The following RANBP17 variants were observed in gnomAD, a reference collection of about 807,000 sequenced individuals.
The protein encoded by RANBP17 is ran-binding protein 17.
Under a neutral mutation model 141.2 loss-of-function variants are expected in RANBP17, and 158 were observed. The ratio of observed to expected loss-of-function variants is 1.12; its 90% CI spans 0.98 to 1.28. The LOEUF is 1.28. Ranked by LOEUF, RANBP17 falls within the 50% of genes most tolerant of loss-of-function variation. The probability of loss-of-function intolerance (pLI) is 0.00; values close to 1 mark genes in which losing one functional copy is unlikely to be tolerated. For missense variants in RANBP17, 1,438 were observed against 1,290.7 expected, an observed-to-expected ratio of 1.11 and a Z score of -1.75; for synonymous variants, 430 against 450.0, an observed-to-expected ratio of 0.96 and a Z score of 0.56.
intron 25 of RANBP17, among the ~76,000 whole-genome samples, chr5:171,267,434 G>C (rs1310168990): frequency 6.6e-6 from 1 of 151,992 alleles, no homozygotes; most frequent in African/African-American, 2.4e-5. Context: ...ATCCATAATA[G>C]TTTGTAATTT....
intron 14 of RANBP17, among the ~76,000 whole-genome samples, chr5:171,156,276 A>T (rs1216763615): frequency 3.3e-5 from 5 of 152,146 alleles, no homozygotes; most frequent in Non-Finnish European, 7.4e-5. Context: ...TGCTAAAATT[A>T]TGATTTTTAA....
At chr5:170,915,199 G>A (rs1771852139) in intron 8 of RANBP17, among the ~76,000 whole-genome samples, 1 of 152,148 alleles carries the variant, frequency 6.6e-6, no homozygotes, top group Non-Finnish European at 1.5e-5. Context: ...AAAGGTACTA[G>A]TGCTTAAAAA....
At chr5:171,281,089 G>A (rs1009437686) in intron 25 of RANBP17, among the ~76,000 whole-genome samples, 25 of 152,164 alleles carry the variant, frequency 1.6e-4, no homozygotes, top group African/African-American at 6.0e-4. Context: ...CTCCTGTGGT[G>A]TCATTCCCAG....
At chr5:170,980,382 A>T (rs894576262) in intron 14 of RANBP17, among the ~76,000 whole-genome samples, 3 of 152,242 alleles carry the variant, frequency 2.0e-5, no homozygotes, top group Non-Finnish European at 2.9e-5. Context: ...ACAATGGAGA[A>T]AATGTCCCCA....
At chr5:170,918,564 A>AT (rs904736034) in intron 9 of RANBP17, 149 bp from the exon 10 acceptor site, 3 of 504,290 alleles carry the variant, frequency 5.9e-6, no homozygotes, top group African/African-American at 2.0e-5. Flanking sequence ...GAATCCCTCT[A>AT]TTTTTTTACA....
At chr5:171,259,258 C>T (rs1766124847) in intron 24 of RANBP17, among the ~76,000 whole-genome samples, 2 of 152,160 alleles carry the variant, frequency 1.3e-5, no homozygotes, top group Admixed American at 6.5e-5. Flanking sequence ...GAAACTCGTA[C>T]ACTGTTGGTG....
At chr5:171,219,968 A>G (rs1223575323) in intron 21 of RANBP17, among the ~76,000 whole-genome samples, 1 of 151,970 alleles carries the variant, frequency 6.6e-6, no homozygotes, top group Non-Finnish European at 1.5e-5. Flanking sequence ...GGAGGAGAAG[A>G]GGCATTCTGG....
chr5:171,078,126 TTTTC>T (rs1317791055), intron 14 of RANBP17, among the ~76,000 whole-genome samples: 1 of 137,336 alleles, frequency 7.3e-6, no homozygotes, highest in African/African-American at 2.6e-5. Context: ...TTTTCTTTTC[TTTTC>T]TTTCTTTTTT....
chr5:171,074,439 G>A (rs1561623867), intron 14 of RANBP17, among the ~76,000 whole-genome samples: 1 of 152,068 alleles, frequency 6.6e-6, no homozygotes, highest in Non-Finnish European at 1.5e-5. Context: ...TGGGAAAACT[G>A]GTGAAATACA....
At chr5:171,244,908 G>A (rs148119550) in intron 24 of RANBP17, among the ~76,000 whole-genome samples, 1,550 of 152,102 alleles carry the variant, frequency 0.01, 63 homozygotes, top group East Asian at 0.086. Context: ...GGCGGATCAC[G>A]AGGTCAGGAG....
At chr5:171,151,189 T>C (rs1454861682) in intron 14 of RANBP17, among the ~76,000 whole-genome samples, 1 of 152,202 alleles carries the variant, frequency 6.6e-6, no homozygotes, top group Non-Finnish European at 1.5e-5. Flanking sequence ...GGAGGTTCAG[T>C]TCAAATGATT....
chr5:171,061,030 T>C (rs1175997875), intron 14 of RANBP17, among the ~76,000 whole-genome samples: 4 of 151,588 alleles, frequency 2.6e-5, no homozygotes, highest in Non-Finnish European at 5.9e-5. Context: ...TTTTTTATTG[T>C]GTCTATTTGA....
At chr5:170,891,406 A>G (rs1769583205) in intron 3 of RANBP17, among the ~76,000 whole-genome samples, 1 of 152,222 alleles carries the variant, frequency 6.6e-6, no homozygotes, top group Non-Finnish European at 1.5e-5. Context: ...ATATAATACC[A>G]GATAAGGATG....
rs189514877 is a variant in RANBP17, at chr5:171,109,940, A to G, written c.1711-60190A>G. On this transcript the variant is annotated intron_variant, in intron 14 of 27. Transcript: ENST00000523189. ...TAACTTGGGAAACTGTTACCTTAAA[A>G]GTTAAAAAGCAGGTTAGAAAATTGC... is the stretch of plus-strand genomic sequence containing the variant. Among the ~76,000 whole-genome samples the G allele has an allele frequency of 9.2e-5, 14 of 152,302 alleles. No homozygotes were observed. In the East Asian group the frequency reaches 2.7e-3, roughly 29 times the overall value.
chr5:171,142,603 A>G (rs1757781618), intron 14 of RANBP17, among the ~76,000 whole-genome samples: 1 of 152,246 alleles, frequency 6.6e-6, no homozygotes, highest in Admixed American at 6.5e-5. Context: ...TGCCAGTAGT[A>G]AGATGGCTAG....
At chr5:170,926,535 A>G (rs1772934514) in intron 12 of RANBP17, among the ~76,000 whole-genome samples, 1 of 152,006 alleles carries the variant, frequency 6.6e-6, no homozygotes, top group African/African-American at 2.4e-5. Context: ...TCTTTTATGT[A>G]TTTTGACATT....
intron 18 of RANBP17, among the ~76,000 whole-genome samples, chr5:171,193,661 A>G (rs1027088279): frequency 2.6e-5 from 4 of 152,136 alleles, no homozygotes; most frequent in Admixed American, 6.6e-5. Context: ...TGCGGCTTCT[A>G]GAGACCACCT....
At chr5:171,149,260 T>G (rs1292223247) in intron 14 of RANBP17, among the ~76,000 whole-genome samples, 1 of 152,246 alleles carries the variant, frequency 6.6e-6, no homozygotes, top group East Asian at 1.9e-4. Context: ...TTTACTGAGC[T>G]CTGAGCTATG....
intron 14 of RANBP17, among the ~76,000 whole-genome samples, chr5:171,156,029 G>GCTTTTTTGTCTATGTA (rs1488359742): frequency 1.3e-5 from 2 of 152,100 alleles, no homozygotes; most frequent in Non-Finnish European, 2.9e-5. Context: ...CATAGACAAA[G>GCTTTTTTGTCTATGTA]CAGAGACACA....
Sources: allele counts gnomAD v4.1 joint callset (sites outside exome capture counted in the v4.1 genomes callset), GRCh38; gene constraint gnomAD v4.1.1; transcripts MANE v1.5; gene names NCBI Gene and HGNC (gene_info 2026-07-23, HGNC 2026-07-21).